The following L3MBTL3 variants were observed in gnomAD, a reference collection of about 807,000 sequenced individuals.
L3MBTL3 encodes L3MBTL histone methyl-lysine binding protein 3, also known as lethal(3)malignant brain tumor-like protein 3.
A neutral mutation model predicts 102.3 loss-of-function variants in L3MBTL3; 27 were observed. The ratio of observed to expected loss-of-function variants is 0.26; its 90% CI spans 0.19 to 0.36. The LOEUF is 0.36. Among genes scored for constraint, L3MBTL3 ranks in the 10% least tolerant of loss-of-function variants. L3MBTL3 has a pLI of 1.00. For synonymous variants in L3MBTL3, 340 were observed against 320.9 expected, an observed-to-expected ratio of 1.06 and a Z score of -0.64; for missense variants, 798 against 955.3, an observed-to-expected ratio of 0.84 and a Z score of 2.17.
chr6:130,102,067 A>G (rs1784725405), intron 18 of L3MBTL3, among the ~76,000 whole-genome samples: 1 of 151,840 alleles, frequency 6.6e-6, no homozygotes, highest in Non-Finnish European at 1.5e-5. Context: ...ATTACCCCCA[A>G]ATCATCTTCT....
chr6:130,091,877 A>G (rs998720538), intron 16 of L3MBTL3, among the ~76,000 whole-genome samples: 2 of 152,024 alleles, frequency 1.3e-5, no homozygotes, highest in Non-Finnish European at 2.9e-5. Flanking sequence ...GGAGTAGGGC[A>G]TAAAGTGGGG....
intron 7 of L3MBTL3, among the ~76,000 whole-genome samples, chr6:130,053,453 G>A (rs564687284): frequency 2.2e-3 from 329 of 152,144 alleles, no homozygotes; most frequent in Non-Finnish European, 4.2e-3. Context: ...GGCTAACCCG[G>A]TGAAACCCCT....
chr6:130,126,486 G>T (rs1462771757), intron 20 of L3MBTL3, among the ~76,000 whole-genome samples: 3 of 152,102 alleles, frequency 2.0e-5, no homozygotes, highest in Non-Finnish European at 2.9e-5. Context: ...CTCATATTTG[G>T]TTTAGGTAGT....
At chr6:130,057,323 G>T in intron 8 of L3MBTL3, 83 bp from the exon 9 acceptor site, 1 of 1,023,980 alleles carries the variant, frequency 9.8e-7, no homozygotes, top group Non-Finnish European at 1.5e-6. Context: ...CAGCGTATCA[G>T]TCAGGGACGT....
intron 20 of L3MBTL3, among the ~76,000 whole-genome samples, chr6:130,121,572 A>C (rs1321211242): frequency 1.3e-5 from 2 of 152,204 alleles, no homozygotes; most frequent in South Asian, 2.1e-4. Context: ...AATATTGTAC[A>C]TAAAGTTTGG....
chr6:130,057,556 A>G (rs1781588391), intron 9 of L3MBTL3, 59 bp downstream of exon 9: 1 of 1,289,824 alleles, frequency 7.8e-7, no homozygotes, highest in Admixed American at 2.4e-5. Flanking sequence ...TACCAGCCTG[A>G]ATTACGATTG....
At chr6:130,091,457 T>A (rs1784040739) in intron 16 of L3MBTL3, among the ~76,000 whole-genome samples, 1 of 151,958 alleles carries the variant, frequency 6.6e-6, no homozygotes, top group Non-Finnish European at 1.5e-5. Context: ...AAAAAATATA[T>A]AATAACCTAA....
Position 130,082,167 on chromosome 6 carries a change from A to G in L3MBTL3, c.1322-1453A>G, listed in dbSNP as rs145030891. Among the ~76,000 whole-genome samples, 490 of 152,260 alleles carry G rather than the reference A, an allele frequency of 3.2e-3. 3 individuals carry two copies. Among genetic ancestry groups the G allele is most frequent in the Non-Finnish European group, 5.0e-3 (342 of 68,014 alleles). ...ATGGTGTTTGCTAGGTTTGTCTACT[A>G]ATGGAGTTATTTTTTCTCTGTAACT... is the stretch of plus-strand genomic sequence containing the variant. On this transcript the variant is annotated intron_variant, in intron 14 of 22. Coordinates refer to ENST00000361794, the MANE Select transcript of L3MBTL3 (RefSeq NM_032438.4).
At chr6:130,069,988 T>G (rs948441784) in intron 12 of L3MBTL3, among the ~76,000 whole-genome samples, 17 of 152,254 alleles carry the variant, frequency 1.1e-4, no homozygotes, top group African/African-American at 4.1e-4. Flanking sequence ...CACGGCTGTC[T>G]ACATTTTTGC....
chr6:130,129,650 A>G (rs1214304202), intron 20 of L3MBTL3, among the ~76,000 whole-genome samples: 1 of 152,214 alleles, frequency 6.6e-6, no homozygotes, highest in Non-Finnish European at 1.5e-5. Context: ...AAAACTTCAG[A>G]AATATAGAAA....
intron 20 of L3MBTL3, among the ~76,000 whole-genome samples, chr6:130,125,209 G>A (rs1786513284): frequency 6.6e-6 from 1 of 152,158 alleles, no homozygotes; most frequent in African/African-American, 2.4e-5. Flanking sequence ...TTGGCATTTT[G>A]TGATGTTGTC....
intron 7 of L3MBTL3, 61 bp from the exon 8 acceptor site, chr6:130,055,110 A>C (rs1330629609): frequency 1.4e-5 from 17 of 1,224,652 alleles, no homozygotes; most frequent in Non-Finnish European, 1.9e-5. Flanking sequence ...ATAGCTCTCT[A>C]ACTATTCACT....
chr6:130,099,182 A>G (rs1278000913), intron 18 of L3MBTL3, among the ~76,000 whole-genome samples: 2 of 152,098 alleles, frequency 1.3e-5, no homozygotes, highest in African/African-American at 2.4e-5. Context: ...ATAATATGCT[A>G]ATAGTGTAGG....
chr6:130,089,811 G>T (rs1402751692), intron 16 of L3MBTL3, among the ~76,000 whole-genome samples: 28 of 148,252 alleles, frequency 1.9e-4, no homozygotes. Context: ...TTTCTCTGAT[G>T]ACCAGTGATG....
intron 2 of L3MBTL3, among the ~76,000 whole-genome samples, chr6:130,024,082 A>G (rs1260775912): frequency 6.6e-6 from 1 of 152,134 alleles, no homozygotes; most frequent in African/African-American, 2.4e-5. Flanking sequence ...GGTTGGTGTG[A>G]GGGGAATTAA....
intron 2 of L3MBTL3, among the ~76,000 whole-genome samples, chr6:130,031,570 C>T (rs547560427): frequency 6.6e-6 from 1 of 152,294 alleles, no homozygotes; most frequent in Non-Finnish European, 1.5e-5. Flanking sequence ...TAAATGGTCT[C>T]GTAAAAGTTG....
At chr6:130,120,267 A>G (rs1044209318) in intron 19 of L3MBTL3, among the ~76,000 whole-genome samples, 13 of 152,198 alleles carry the variant, frequency 8.5e-5, no homozygotes, top group Admixed American at 2.6e-4. Context: ...TGCCCTTGAC[A>G]TAAGGAGAAA....
chr6:130,122,568 A>G (rs1472419602), intron 20 of L3MBTL3, among the ~76,000 whole-genome samples: 3 of 152,254 alleles, frequency 2.0e-5, no homozygotes, highest in Non-Finnish European at 4.4e-5. Flanking sequence ...TAGCTTGCTT[A>G]GAACAGTGCC....
chr6:130,102,048 A>G (rs1470486003), intron 18 of L3MBTL3, among the ~76,000 whole-genome samples: 2 of 151,908 alleles, frequency 1.3e-5, no homozygotes, highest in Non-Finnish European at 2.9e-5. Context: ...AAATTCCACA[A>G]TTTCTGATAT....
Sources: gnomAD v4.1 joint callset for allele counts (sites outside exome capture counted in the v4.1 genomes callset) on GRCh38, gnomAD v4.1.1 for gene constraint, MANE v1.5 for transcripts, NCBI Gene and HGNC (gene_info 2026-07-23, HGNC 2026-07-21) for gene names.